The following MYO19 variants were observed in gnomAD, a reference collection of about 807,000 sequenced individuals.
MYO19 encodes the protein myosin XIX, also known as unconventional myosin-XIX.
Under a neutral mutation model 129.2 loss-of-function variants are expected in MYO19, and 132 were observed. The ratio of observed to expected loss-of-function variants is 1.02; its 90% CI spans 0.89 to 1.18. MYO19 has a LOEUF of 1.18. Among genes scored for constraint, MYO19 ranks in the 50% most tolerant of loss-of-function variants. The pLI is 0.00. For synonymous variants in MYO19, 531 were observed against 477.2 expected (o/e 1.11, Z -1.47); for missense variants, 1,210 against 1,216.7 (o/e 0.99, Z 0.08).
Position 36,513,726 on chromosome 17 carries a change from C to A in MYO19, c.721-1G>T. ...CGTCCTCACTGGCTCCTTTGCAAAT[C>A]TGTGGAGAAGGGTAGGTGGGAGGCT... On this transcript the variant is annotated splice_acceptor_variant, in intron 9 of 25. Coordinates refer to ENST00000614623, the MANE Select transcript of MYO19 (RefSeq NM_001163735.2). LOFTEE classifies it high-confidence loss of function. The A allele has an allele frequency of 6.2e-7, 1 of 1,613,088 alleles. No homozygotes were observed. Among genetic ancestry groups the A allele is most frequent in the Non-Finnish European group, 8.5e-7 (1 of 1,179,614 alleles).
At chr17:36,538,748 T>A, upstream of MYO19, 1 of 780,712 alleles carries the variant, frequency 1.3e-6, no homozygotes, top group South Asian at 2.1e-5. Context: ...TAAACAGCAG[T>A]GATGCTTAAT....
upstream of MYO19, among the ~76,000 whole-genome samples, chr17:36,543,616 A>C (rs763892615): frequency 3.3e-5 from 5 of 152,128 alleles, no homozygotes; most frequent in Non-Finnish European, 5.9e-5. Flanking sequence ...ACTCCATGTG[A>C]TAACCAAAAT....
rs1427958148 is a variant in MYO19, at chr17:36,496,377, A to C, written c.2787T>G (p.Ser929=). The change falls in exon 26 of 26, where the codon TCT becomes TCG. Residue 929 remains serine, a synonymous_variant. Transcript: ENST00000614623. ...QGSIKFHCRK[S]PLRYADICPE... is the part of the protein sequence containing the mutation. ...GGCAGATGTCAGCATACCGCAGTGGAGACTTTCTGCAGTGAAACTTTATCG... is the reference window on the plus strand; with the variant it reads ...GGCAGATGTCAGCATACCGCAGTGGCGACTTTCTGCAGTGAAACTTTATCG... The C allele has an allele frequency of 1.9e-6, 3 of 1,613,890 alleles. No individual in the cohort carries two copies. The African/African-American group carries it at 4.0e-5, about 22-fold the overall frequency.
chr17:36,521,438 T>A (rs1026773642), intron 6 of MYO19, among the ~76,000 whole-genome samples: 8 of 152,014 alleles, frequency 5.3e-5, no homozygotes, highest in African/African-American at 1.7e-4. Context: ...CTCAGAAGAT[T>A]AAAAAAATAA....
chr17:36,540,767 G>A (rs1309048259), intron 2 of MYO19, among the ~76,000 whole-genome samples: 2 of 152,170 alleles, frequency 1.3e-5, no homozygotes, highest in Non-Finnish European at 2.9e-5. Flanking sequence ...GGTCACTATG[G>A]TAATTTAAAT....
In MYO19 at chr17:36,527,629, G is replaced by A; in HGVS notation, c.222C>T (p.Ala74=). The stretch of plus-strand genomic sequence containing the variant: ...GAGGAACAGGCTTGAAGGGGTTCAA[G>A]GCTACCAGGGTGCAGCCAGCATTGG... ...FYTNAGCTLV[A]LNPFKPVPQL... The change falls in exon 5 of 26, where the codon GCC becomes GCT. Residue 74 remains alanine, a synonymous_variant. Transcript: ENST00000614623. 6.2e-7 allele frequency: 1 copy of A among 1,613,956 alleles called. No individual in the cohort carries two copies. The highest frequency in any genetic ancestry group is 1.1e-5 in the South Asian group (1 of 91,062).
intron 3 of MYO19, among the ~76,000 whole-genome samples, chr17:36,532,012 T>C (rs2073863393): frequency 6.6e-6 from 1 of 152,196 alleles, no homozygotes; most frequent in South Asian, 2.1e-4. Flanking sequence ...AACAGTAGCC[T>C]TTTCAGAGAG....
At chr17:36,538,067 A>T (rs754169928), upstream of MYO19, 12 of 1,614,092 alleles carry the variant, frequency 7.4e-6, no homozygotes, top group Admixed American at 3.3e-5. Context: ...GTGTGCAAAC[A>T]GGGTTATATA....
chr17:36,508,684 G>T, intron 14 of MYO19: 1 of 206,314 alleles, frequency 4.8e-6, no homozygotes, highest in Non-Finnish European at 9.8e-6. Context: ...TCCCACTTTG[G>T]CCTCCCAAAA....
At position 36,528,802 on chromosome 17, in the gene MYO19, T is replaced by C. The variant is rs181556930; in HGVS notation, c.13-600A>G. Among the ~76,000 whole-genome samples the C allele has an allele frequency of 2.7e-4, 41 of 152,328 alleles. No homozygotes were observed. The East Asian group carries it at 6.6e-3, about 24-fold the overall frequency. ...TTTAGTCAGTGCCCGGCATACAGCA[T>C]GTACTCAACAAATGCTATCTCTTCT... On this transcript the variant is annotated intron_variant, in intron 3 of 25. Transcript: ENST00000614623.
chr17:36,510,812 CG>C lies in MYO19; in HGVS notation c.1090del (p.Arg364GlyfsTer19), dbSNP rs1237721088. On this transcript the variant is annotated frameshift_variant, in exon 13 of 26. Coordinates refer to ENST00000614623, the MANE Select transcript of MYO19 (RefSeq NM_001163735.2). LOFTEE classifies it high-confidence loss of function. ...IRAGRQQQVF[R>X]KPCARAECDT... is the part of the protein sequence containing the mutation. ...ACACTCGGCTCGGGCGCAGGGCTTCCGGAACACCTGCTGCTGTCTGCCTGCC... is the reference window on the plus strand; with the variant it reads ...ACACTCGGCTCGGGCGCAGGGCTTCCGAACACCTGCTGCTGTCTGCCTGCC... 4.4e-6 allele frequency: 7 copies of C among 1,597,224 alleles called. No individual in the cohort carries two copies. Among genetic ancestry groups the C allele is most frequent in the South Asian group, 2.3e-5 (2 of 88,052 alleles).
chr17:36,509,167 A>C, intron 13 of MYO19, 32 bp from the exon 14 acceptor site: 1 of 1,606,774 alleles, frequency 6.2e-7, no homozygotes, highest in Non-Finnish European at 8.5e-7. Flanking sequence ...CTCTGGTAAG[A>C]GGGTCTGGCT....
chr17:36,538,734 C>A, upstream of MYO19: 1 of 864,506 alleles, frequency 1.2e-6, no homozygotes, highest in Non-Finnish European at 1.8e-6. Context: ...TAGTTTCAGT[C>A]ATCTAAACAG....
intron 13 of MYO19, 80 bp from the exon 14 acceptor site, chr17:36,509,215 G>T: frequency 1.6e-6 from 2 of 1,283,882 alleles, no homozygotes; most frequent in Non-Finnish European, 2.2e-6. Context: ...CCCCATCAGG[G>T]TGCTACACCC....
In MYO19 at chr17:36,507,511, T is replaced by A. The variant is rs761445474; in HGVS notation, c.1355A>T (p.Glu452Val). The A allele has an allele frequency of 1.2e-6, 2 of 1,612,930 alleles. No individual in the cohort carries two copies. Among genetic ancestry groups the A allele is most frequent in the Non-Finnish European group, 1.7e-6 (2 of 1,179,672 alleles). ...CTCCAGGCCCTCAACTGCGTATTCC[T>A]CCTAAAGAACAAGGTGGGATGAGGT... ...FVAHYLRAQQ[E>V]EYAVEGLEWS... The change falls in exon 16 of 26, where the codon GAG becomes GTG. Residue 452 changes from glutamate to valine, a missense_variant and splice_region_variant. Transcript: ENST00000614623.
upstream of MYO19, chr17:36,535,402 CTG>C (rs2074079092): frequency 6.6e-6 from 1 of 152,302 alleles, no homozygotes; most frequent in Non-Finnish European, 1.5e-5. Context: ...CCACGGGACA[CTG>C]GCACGAGCGC....
At position 36,506,567 on chromosome 17, in the gene MYO19, G is replaced by C. The variant is rs368241669; in HGVS notation, c.1686C>G (p.Ser562=). Residue 562 remains serine, a synonymous_variant, in exon 18 of 26, where the codon TCC becomes TCG. Transcript: ENST00000614623. The stretch of plus-strand genomic sequence containing the variant: ...ACAGCCCCATGAGCAGGGGGTCCTG[G>C]GATTGCTGCAGGAGCCTGGTCAGCT... ...PPELTRLLQQ[S]QDPLLMGLFP... The C allele has an allele frequency of 3.8e-6, 6 of 1,570,082 alleles. No homozygotes were observed. The highest frequency in any genetic ancestry group is 5.2e-6 in the Non-Finnish European group (6 of 1,163,124).
Position 36,528,124 on chromosome 17 carries a change from C to T in MYO19, c.91G>A (p.Glu31Lys). The T allele has an allele frequency of 6.2e-7, 1 of 1,613,672 alleles. No individual in the cohort carries two copies. ...REDLQEFLGG[E>K]VLLYKLDDLT... ...TCATCCAGTTTGTACAGCAGGACCT[C>T]CCCACCCAGGAACTCCTGCAGGTCT... is the stretch of plus-strand genomic sequence containing the variant. The change falls in exon 4 of 26, where the codon GAG becomes AAG. Residue 31 changes from glutamate to lysine, a missense_variant. Coordinates refer to ENST00000614623, the MANE Select transcript of MYO19 (RefSeq NM_001163735.2).
Position 36,513,610 on chromosome 17 carries a change from T to C in MYO19, c.817+19A>G, listed in dbSNP as rs1353900681. ...GTGATGCTGGGTCAGCGCAAGGTGC[T>C]GGATGGGGCTCCCCTTACCTTCTAA... On this transcript the variant is annotated intron_variant, in intron 10 of 25. Coordinates refer to ENST00000614623, the MANE Select transcript of MYO19 (RefSeq NM_001163735.2). 2.5e-6 allele frequency: 4 copies of C among 1,613,926 alleles called. No individual in the cohort carries two copies. In the Admixed American group the frequency reaches 5.0e-5, roughly 20 times the overall value.
Sources: allele counts gnomAD v4.1 joint callset (sites outside exome capture counted in the v4.1 genomes callset), GRCh38; gene constraint gnomAD v4.1.1; transcripts MANE v1.5; gene names NCBI Gene and HGNC (gene_info 2026-07-23, HGNC 2026-07-21).